The following ABI3BP variants were observed in gnomAD, a reference collection of about 807,000 sequenced individuals.
The protein encoded by ABI3BP is ABI family member 3 binding protein, also known as target of Nesh-SH3.
Under a neutral mutation model 268.6 loss-of-function variants are expected in ABI3BP, and 216 were observed. The ratio of observed to expected loss-of-function variants is 0.80; its 90% confidence interval spans 0.72 to 0.90. The LOEUF (loss-of-function observed/expected upper bound fraction) is 0.90. Ranked by LOEUF, ABI3BP falls within the 40% of genes least tolerant of loss-of-function variation. ABI3BP has a pLI of 0.00. For missense variants in ABI3BP, 2,090 were observed against 2,182.4 expected (o/e 0.96, Z 0.84); for synonymous variants, 730 against 730.0 (o/e 1.00, Z 0.00).
chr3:100,777,245 T>C lies in ABI3BP; in HGVS notation c.4333+1039A>G, dbSNP rs550523845. Among the ~76,000 whole-genome samples the C allele has an allele frequency of 2.5e-3, 374 of 152,302 alleles. 2 individuals carry two copies. Among genetic ancestry groups the C allele is most frequent in the African/African-American group, 8.3e-3 (347 of 41,560 alleles). ...TTTCACAGCTGTTTTAACACTCTTA[T>C]CCCGATTCCACCTACAAAATATTTC... is the stretch of plus-strand genomic sequence containing the variant. On this transcript the variant is annotated intron_variant, in intron 59 of 67. Coordinates refer to ENST00000471714, the MANE Select transcript of ABI3BP (RefSeq NM_001375547.2).
chr3:100,849,397 T>C (rs946635824), intron 17 of ABI3BP, among the ~76,000 whole-genome samples: 2 of 152,008 alleles, frequency 1.3e-5, no homozygotes, highest in Non-Finnish European at 2.9e-5. Context: ...CTAATTTTTG[T>C]ATTTTGACTA....
At chr3:100,894,756 G>T (rs192837308) in intron 4 of ABI3BP, among the ~76,000 whole-genome samples, 113 of 151,612 alleles carry the variant, frequency 7.5e-4, no homozygotes, top group African/African-American at 2.3e-3. Context: ...TGGCTAACAC[G>T]GTGAAACCCC....
chr3:100,811,662 G>T, intron 47 of ABI3BP, 66 bp downstream of exon 47: 1 of 1,442,378 alleles, frequency 6.9e-7, no homozygotes, highest in Non-Finnish European at 9.4e-7. Context: ...CATATTCCGT[G>T]GATGTAACTG....
chr3:100,829,654 C>CACTTTGG lies in ABI3BP; in HGVS notation c.2462_2468dup (p.Pro824GlnfsTer14), dbSNP rs772740977. 38 of 1,535,280 alleles carry CACTTTGG rather than the reference C, an allele frequency of 2.5e-5. 3 individuals are homozygous for CACTTTGG. The South Asian group carries it at 4.3e-4, about 17-fold the overall frequency. On this transcript the variant is annotated frameshift_variant, in exon 33 of 68. Transcript: ENST00000471714. LOFTEE classifies it high-confidence loss of function. ...GATGTGGACGATGAGTTCGTTGAGG[C>CACTTTGG]ACTTTGGGAGCTAAAGGAAGAAAAC...
intron 63 of ABI3BP, 138 bp from the exon 64 acceptor site, chr3:100,754,829 G>A: frequency 1.4e-6 from 1 of 711,576 alleles, no homozygotes; most frequent in South Asian, 1.9e-5. Context: ...TGTTCCAGAA[G>A]CAGGTTGAGG....
chr3:100,942,082 T>C (rs936738016), intron 1 of ABI3BP, among the ~76,000 whole-genome samples: 1 of 152,142 alleles, frequency 6.6e-6, no homozygotes, highest in East Asian at 1.9e-4. Flanking sequence ...CAAATATATT[T>C]TTACTTATCT....
intron 62 of ABI3BP, among the ~76,000 whole-genome samples, chr3:100,768,384 G>A (rs189769638): frequency 2.0e-5 from 3 of 152,184 alleles, no homozygotes; most frequent in East Asian, 1.9e-4. Context: ...CACTGAGCCC[G>A]GCCTGGCTCA....
chr3:100,806,126 C>T (rs1164267165), intron 50 of ABI3BP, among the ~76,000 whole-genome samples: 4 of 151,990 alleles, frequency 2.6e-5, no homozygotes, highest in African/African-American at 9.7e-5. Context: ...CCTTTGAATG[C>T]CAAACATAGA....
intron 1 of ABI3BP, chr3:100,931,019 T>C (rs2063460413): frequency 6.6e-6 from 1 of 151,876 alleles, no homozygotes; most frequent in Non-Finnish European, 1.5e-5. Context: ...TATTTCTGAG[T>C]TGTAAGGTTG....
At chr3:100,773,280 A>T (rs1424364556) in intron 61 of ABI3BP, among the ~76,000 whole-genome samples, 1 of 152,160 alleles carries the variant, frequency 6.6e-6, no homozygotes, top group Admixed American at 6.5e-5. Flanking sequence ...TTCAACATTA[A>T]ACAAGCAACT....
At position 100,834,592 on chromosome 3, in the gene ABI3BP, G is replaced by C. The variant is rs1053433374; in HGVS notation, c.2281+92C>G. 4 of 1,227,358 alleles carry C rather than the reference G, an allele frequency of 3.3e-6. No homozygotes were observed. In the African/African-American group the frequency reaches 6.0e-5, roughly 18 times the overall value. The allele number at this position is 1,227,358 out of a possible 1,614,324, so 76.0% of individuals were successfully genotyped here. A position where few individuals can be genotyped will look rare whatever the true frequency, so the allele number is the denominator to read the frequency against. Reference sequence around the variant, plus strand: ...CATGACTTGGGCCTTCACCCCAAGGGTCAAGTGGGTTATAAAGTGGCATGT... The same window carrying C: ...CATGACTTGGGCCTTCACCCCAAGGCTCAAGTGGGTTATAAAGTGGCATGT... On this transcript the variant is annotated intron_variant, in intron 29 of 67. Coordinates refer to ENST00000471714, the MANE Select transcript of ABI3BP (RefSeq NM_001375547.2).
At chr3:100,931,300 C>T (rs942799620) in intron 1 of ABI3BP, among the ~76,000 whole-genome samples, 2 of 152,098 alleles carry the variant, frequency 1.3e-5, no homozygotes, top group Non-Finnish European at 1.5e-5. Context: ...CAGGGATGCC[C>T]ACTCTCACCA....
At position 100,903,199 on chromosome 3, in the gene ABI3BP, A is replaced by G. The variant is rs190382506; in HGVS notation, c.260-513T>C. ...TTATGTAATTTCTCAGCCTGTTTTC[A>G]TAGCTAGTCATTTTTAATGAACAAT... On this transcript the variant is annotated intron_variant, in intron 2 of 67. Transcript: ENST00000471714. 2.4e-3 allele frequency among the ~76,000 whole-genome samples: 371 copies of G among 152,266 alleles called. 1 individual carries two copies. The highest frequency in any genetic ancestry group is 8.4e-3 in the African/African-American group (350 of 41,546).
At chr3:100,944,012 A>G (rs1461246886) in intron 1 of ABI3BP, among the ~76,000 whole-genome samples, 1 of 152,152 alleles carries the variant, frequency 6.6e-6, no homozygotes, top group Non-Finnish European at 1.5e-5. Context: ...TCTTAGTAGT[A>G]AGCGCAGATA....
At position 100,825,847 on chromosome 3, in the gene ABI3BP, G is replaced by A. The variant is rs558758726; in HGVS notation, c.2603-3C>T. 3.5e-5 allele frequency: 54 copies of A among 1,531,484 alleles called. No homozygotes were observed. The highest frequency in any genetic ancestry group is 1.7e-4 in the Middle Eastern group (1 of 5,974). The allele number at this position is 1,531,484 out of a possible 1,614,324, so 94.9% of individuals were successfully genotyped here. A position where few individuals can be genotyped will look rare whatever the true frequency, so the allele number is the denominator to read the frequency against. On this transcript the variant is annotated splice_region_variant and splice_polypyrimidine_tract_variant and intron_variant, in intron 34 of 67. Transcript: ENST00000471714. ...AGGCTCGAGGTCTGTAACAGGAACT[G>A]AAGTAATAAGATAAACAAAAGAGAT...
intron 20 of ABI3BP, chr3:100,843,931 A>C (rs78029085): frequency 0.049 from 47,969 of 983,482 alleles, 1,262 homozygotes; most frequent in Non-Finnish European, 0.051. Flanking sequence ...ATTATAAGGA[A>C]AAATCTGCAT....
At chr3:100,848,353 CA>C (rs2098798498) in intron 18 of ABI3BP, among the ~76,000 whole-genome samples, 1 of 152,168 alleles carries the variant, frequency 6.6e-6, no homozygotes, top group African/African-American at 2.4e-5. Context: ...AATTCACATG[CA>C]AAAATATAAT....
At position 100,866,929 on chromosome 3, in the gene ABI3BP, G is replaced by A. The variant is rs749618997; in HGVS notation, c.938C>T (p.Ala313Val). 2 of 1,613,774 alleles carry A rather than the reference G, an allele frequency of 1.2e-6. No homozygotes were observed. The highest frequency in any genetic ancestry group is 1.7e-6 in the Non-Finnish European group (2 of 1,179,788). ...LAKNETLALP[A>V]ESKTPEVEKI... Reference sequence around the variant, plus strand: ...TTCAACCTCTGGTGTTTTAGATTCGGCAGGTAATGCCAAGGTTTCATTCTT... The same window carrying A: ...TTCAACCTCTGGTGTTTTAGATTCGACAGGTAATGCCAAGGTTTCATTCTT... Residue 313 changes from alanine (A) to valine (V), a missense_variant, in exon 10 of 68, where the codon GCC (alanine) becomes GTC (valine). Transcript: ENST00000471714.
chr3:100,808,100 T>A, intron 50 of ABI3BP, 61 bp downstream of exon 50: 1 of 1,431,570 alleles, frequency 7.0e-7, no homozygotes, highest in Non-Finnish European at 9.7e-7. Context: ...AATGAACAAT[T>A]TGCTAGAATA....
Sources: allele counts gnomAD v4.1 joint callset (sites outside exome capture counted in the v4.1 genomes callset), GRCh38; gene constraint gnomAD v4.1.1; transcripts MANE v1.5; gene names NCBI Gene and HGNC (gene_info 2026-07-23, HGNC 2026-07-21).